Variants in ACBD7 observed in about 807,000 individuals in gnomAD.
ACBD7 encodes acyl-CoA binding domain containing 7.
Under a neutral mutation model 13.7 loss-of-function variants are expected in ACBD7, and 11 were observed. The ratio of observed to expected loss-of-function variants is 0.80; its 90% CI spans 0.50 to 1.33. The LOEUF (loss-of-function observed/expected upper bound fraction) is 1.33, where lower values mean the gene tolerates loss of function less well. Among genes scored for constraint, ACBD7 ranks in the 40% most tolerant of loss-of-function variants. The pLI is 0.00. For missense variants in ACBD7, 111 were observed against 103.0 expected (o/e 1.08, Z -0.33); for synonymous variants, 43 against 37.7 (o/e 1.14, Z -0.51).
Position 15,075,701 on chromosome 10 carries a change from C to T in ACBD7, c.*2829G>A, listed in dbSNP as rs186167422. On this transcript the variant is annotated 3_prime_UTR_variant, in exon 4 of 4. Transcript: ENST00000356189. ...CCCTTTCAAGAATCCTGGCTGGACG[C>T]GGTGGCTCATGCCTATAGTCTCAGC... Among the ~76,000 whole-genome samples the T allele has an allele frequency of 1.2e-3, 185 of 152,202 alleles. No homozygotes were observed. The highest frequency in any genetic ancestry group is 2.0e-3 in the Admixed American group (30 of 15,272).
intron 1 of ACBD7, among the ~76,000 whole-genome samples, chr10:15,079,703 C>T (rs1051929798): frequency 1.3e-5 from 2 of 151,758 alleles, no homozygotes; most frequent in African/African-American, 4.8e-5. Context: ...CTCAGCCTCC[C>T]GAGTAGCTGG....
intron 1 of ACBD7, among the ~76,000 whole-genome samples, chr10:15,084,993 C>A (rs1260018997): frequency 6.6e-6 from 1 of 151,978 alleles, no homozygotes; most frequent in Non-Finnish European, 1.5e-5. Context: ...TGCCTCCAGA[C>A]CCTATTCTCC....
intron 1 of ACBD7, among the ~76,000 whole-genome samples, chr10:15,082,037 C>T (rs1844756280): frequency 6.6e-6 from 1 of 152,174 alleles, no homozygotes; most frequent in African/African-American, 2.4e-5. Flanking sequence ...CCTGTAATCC[C>T]AGCACTTTGG....
At position 15,087,459 on chromosome 10, in the gene ACBD7, A is replaced by G. The variant is rs570083312; in HGVS notation, c.12+1258T>C. ...TGGTTAAAGAAGTGAGCCACGTTCT[A>G]TGAAATTTTGTGCATGTAAAAGATT... On this transcript the variant is annotated intron_variant, in intron 1 of 3. Transcript: ENST00000356189. 7.2e-5 allele frequency among the ~76,000 whole-genome samples: 11 copies of G among 152,284 alleles called. No individual in the cohort carries two copies. The South Asian group carries it at 1.9e-3, about 26-fold the overall frequency.
rs148547496 is a variant in ACBD7, at chr10:15,088,534, T to C, written c.12+183A>G. On this transcript the variant is annotated intron_variant, in intron 1 of 3. Coordinates refer to ENST00000356189, the MANE Select transcript of ACBD7 (RefSeq NM_001039844.3). ...TCCGGAAGGGTTGCCCTGGGAGCCC[T>C]GGCTCGCCGTCAGCAGGCACAGGTG... 792 of 847,652 alleles carry C rather than the reference T, an allele frequency of 9.3e-4. 5 individuals are homozygous for C. In the African/African-American group the frequency reaches 0.013, roughly 14 times the overall value. The allele number at this position is 847,652 out of a possible 1,614,324, so 52.5% of individuals were successfully genotyped here.
chr10:15,080,389 G>A (rs1191003336), intron 1 of ACBD7, among the ~76,000 whole-genome samples: 3 of 151,742 alleles, frequency 2.0e-5, no homozygotes, highest in Non-Finnish European at 4.4e-5. Flanking sequence ...AGACCAGCCC[G>A]GCCAACATAG....
Position 15,075,976 on chromosome 10 carries a change from C to CAAA in ACBD7, c.*2551_*2553dup, listed in dbSNP as rs10541297. 1,613 of 312,826 alleles carry CAAA rather than the reference C, an allele frequency of 5.2e-3. 2 individuals are homozygous for CAAA. Among genetic ancestry groups the CAAA allele is most frequent in the East Asian group, 0.014 (67 of 4,692 alleles). The allele number at this position is 312,826 out of a possible 1,614,324, so 19.4% of individuals were successfully genotyped here. On this transcript the variant is annotated 3_prime_UTR_variant, in exon 4 of 4. Coordinates refer to ENST00000356189, the MANE Select transcript of ACBD7 (RefSeq NM_001039844.3). ...GTAACAGAGTGACAGCCTGTCTCAA[C>CAAA]AAAAAAAAAAAAAAAAAAAAAGAAA... is the stretch of plus-strand genomic sequence containing the variant.
intron 1 of ACBD7, among the ~76,000 whole-genome samples, chr10:15,081,516 T>A (rs1347671734): frequency 1.3e-5 from 2 of 152,260 alleles, no homozygotes; most frequent in Non-Finnish European, 2.9e-5. Context: ...AGGTTTTAGA[T>A]GAACGCACAC....
chr10:15,079,174 T>G (rs572699423), intron 1 of ACBD7, 134 bp from the exon 2 acceptor site: 18 of 471,292 alleles, frequency 3.8e-5, no homozygotes, highest in Admixed American at 1.7e-4. Flanking sequence ...TCATCTTAAT[T>G]TACTTGAATT....
Position 15,076,224 on chromosome 10 carries a change from TCAAA to T in ACBD7, c.*2302_*2305del, listed in dbSNP as rs1844679899. 2.0e-6 allele frequency: 2 copies of T among 985,228 alleles called. No homozygotes were observed. Among genetic ancestry groups the T allele is most frequent in the Admixed American group, 1.2e-4 (2 of 16,242 alleles). 61.0% of individuals were successfully genotyped at this position (985,228 alleles called of 1,614,324 possible). A position where few individuals can be genotyped will look rare whatever the true frequency, so the allele number is the denominator to read the frequency against. ...TGGGGGATATTTATCTTAAGGGATC[TCAAA>T]CAATTTTTTGAATTGTTAACATGAG... On this transcript the variant is annotated 3_prime_UTR_variant, in exon 4 of 4. Transcript: ENST00000356189.
intron 1 of ACBD7, 44 bp from the exon 2 acceptor site, chr10:15,079,084 C>T: frequency 1.5e-6 from 2 of 1,375,060 alleles, no homozygotes; most frequent in Non-Finnish European, 2.0e-6. Flanking sequence ...CATTTTACCA[C>T]CAAGGAATAG....
At chr10:15,081,778 A>T (rs1844752943) in intron 1 of ACBD7, among the ~76,000 whole-genome samples, 1 of 152,176 alleles carries the variant, frequency 6.6e-6, no homozygotes, top group African/African-American at 2.4e-5. Flanking sequence ...TAAGTTGGAG[A>T]TCAGGGTCTT....
In ACBD7 at chr10:15,076,513, T is replaced by C. The variant is rs1457691428; in HGVS notation, c.*2017A>G. 1.1e-6 allele frequency: 1 copy of C among 935,382 alleles called. No individual in the cohort carries two copies. The highest frequency in any genetic ancestry group is 1.2e-4 in the East Asian group (1 of 8,550). 57.9% of individuals were successfully genotyped at this position (935,382 alleles called of 1,614,324 possible). ...ATGGACAGACTTGTAATTTTTTTTT[T>C]TTTTTTTGAGACGGAGTCTTGTTTT... On this transcript the variant is annotated 3_prime_UTR_variant, in exon 4 of 4. Coordinates refer to ENST00000356189, the MANE Select transcript of ACBD7 (RefSeq NM_001039844.3).
Position 15,076,187 on chromosome 10 carries a change from G to T in ACBD7, c.*2343C>A. 1.3e-5 allele frequency: 13 copies of T among 985,130 alleles called. No homozygotes were observed. Among genetic ancestry groups the T allele is most frequent in the Non-Finnish European group, 1.6e-5 (13 of 829,842 alleles). The allele number at this position is 985,130 out of a possible 1,614,324, so 61.0% of individuals were successfully genotyped here. A position where few individuals can be genotyped will look rare whatever the true frequency, so the allele number is the denominator to read the frequency against. On this transcript the variant is annotated 3_prime_UTR_variant, in exon 4 of 4. Coordinates refer to ENST00000356189, the MANE Select transcript of ACBD7 (RefSeq NM_001039844.3). ...TCTAAATTTTTATGCAGGGAATAGA[G>T]GTACACTGTTTTGGGGGATATTTAT...
Position 15,078,287 on chromosome 10 carries a change from C to T in ACBD7, c.*243G>A. ...CATGAACTCATCCCTTTTTATGGCT[C>T]CATAGTATTCCATGGTGTATATGTG... On this transcript the variant is annotated 3_prime_UTR_variant, in exon 4 of 4. Transcript: ENST00000356189. The T allele has an allele frequency of 8.0e-7, 1 of 1,254,256 alleles. No homozygotes were observed. Among genetic ancestry groups the T allele is most frequent in the Non-Finnish European group, 1.0e-6 (1 of 975,768 alleles). 77.7% of individuals were successfully genotyped at this position (1,254,256 alleles called of 1,614,324 possible). A position where few individuals can be genotyped will look rare whatever the true frequency, so the allele number is the denominator to read the frequency against.
At chr10:15,088,407 G>T (rs1215902365) in intron 1 of ACBD7, 1 of 488,770 alleles carries the variant, frequency 2.0e-6, no homozygotes, top group East Asian at 3.8e-5. Context: ...GGGCGGGAGC[G>T]GGGGATCTCG....
In ACBD7 at chr10:15,078,914, A is replaced by C. The variant is rs1172758333; in HGVS notation, c.130+9T>G. 1 of 1,391,280 alleles carries C rather than the reference A, an allele frequency of 7.2e-7. No homozygotes were observed. The highest frequency in any genetic ancestry group is 9.7e-7 in the Non-Finnish European group (1 of 1,033,096). 86.2% of individuals were successfully genotyped at this position (1,391,280 alleles called of 1,614,324 possible). A position where few individuals can be genotyped will look rare whatever the true frequency, so the allele number is the denominator to read the frequency against. ...ATATGAATATATTAATATTAATAAT[A>C]TATAATACCAATATTAATGTCTCCA... On this transcript the variant is annotated intron_variant, in intron 2 of 3. Transcript: ENST00000356189.
At position 15,078,985 on chromosome 10, in the gene ACBD7, T is replaced by A. The variant is rs1330022974; in HGVS notation, c.68A>T (p.Asp23Val). The A allele has an allele frequency of 6.2e-7, 1 of 1,609,478 alleles. No individual in the cohort carries two copies. Among genetic ancestry groups the A allele is most frequent in the Non-Finnish European group, 8.5e-7 (1 of 1,177,792 alleles). Residue 23 changes from aspartate to valine, a missense_variant, in exon 2 of 4, where the codon GAT (aspartate) becomes GTT (valine). Transcript: ENST00000356189. ...DVRKLKARPD[D>V]GELKELYGLY... is the part of the protein sequence containing the mutation. ...CCCATAGAGTTCTTTCAGTTCTCCA[T>A]CATCTGGTCTTGCTTTCAGCTTCCT...
chr10:15,087,855 G>A (rs919086438), intron 1 of ACBD7, among the ~76,000 whole-genome samples: 7 of 151,804 alleles, frequency 4.6e-5, no homozygotes, highest in Non-Finnish European at 7.4e-5. Flanking sequence ...GGGCGTGGTG[G>A]CGTGCACCTG....
Sources: gnomAD v4.1 joint callset for allele counts (sites outside exome capture counted in the v4.1 genomes callset) on GRCh38, gnomAD v4.1.1 for gene constraint, MANE v1.5 for transcripts, NCBI Gene and HGNC (gene_info 2026-07-23, HGNC 2026-07-21) for gene names.